Variants in HADHA observed in about 807,000 individuals in gnomAD.
HADHA encodes hydroxyacyl-CoA dehydrogenase trifunctional multienzyme complex subunit alpha.
In HADHA, 59 loss-of-function variants were observed where a neutral mutation model predicts 91.3. The ratio of observed to expected loss-of-function variants is 0.65; its 90% CI spans 0.52 to 0.80. The LOEUF (loss-of-function observed/expected upper bound fraction) is 0.80, where lower values mean the gene tolerates loss of function less well. Ranked by LOEUF, HADHA falls within the 30% of genes least tolerant of loss-of-function variation. The pLI is 0.00. For synonymous variants in HADHA, 320 were observed against 338.9 expected, an observed-to-expected ratio of 0.94 and a Z score of 0.61; for missense variants, 800 against 927.6, an observed-to-expected ratio of 0.86 and a Z score of 1.79.
At chr2:26,197,894 A>T in intron 13 of HADHA, 117 bp from the exon 14 acceptor site, 1 of 736,468 alleles carries the variant, frequency 1.4e-6, no homozygotes, top group Non-Finnish European at 2.5e-6. Context: ...ACAACTGCTC[A>T]GACAGTAGAT....
In HADHA at chr2:26,191,229, T is replaced by C. The variant is rs368275152; in HGVS notation, c.*21A>G. The C allele has an allele frequency of 2.0e-5, 33 of 1,611,402 alleles. No homozygotes were observed. Among genetic ancestry groups the C allele is most frequent in the Non-Finnish European group, 2.8e-5 (33 of 1,179,290 alleles). On this transcript the variant is annotated 3_prime_UTR_variant, in exon 20 of 20. Coordinates refer to ENST00000380649, the MANE Select transcript of HADHA (RefSeq NM_000182.5). The stretch of plus-strand genomic sequence containing the variant: ...CGGCAGCTGGGGTTAGTGCACTGAC[T>C]GAGCGAGGCATGAGGCCTGCTCACT...
chr2:26,244,480 C>T (rs780536863), intron 1 of HADHA, 50 bp downstream of exon 1: 2 of 1,544,754 alleles, frequency 1.3e-6, no homozygotes, highest in South Asian at 2.4e-5. Context: ...CACCCCAGTC[C>T]CGGCAGGAGT....
chr2:26,222,263 C>T (rs1353619661), intron 7 of HADHA, among the ~76,000 whole-genome samples: 1 of 152,192 alleles, frequency 6.6e-6, no homozygotes, highest in Non-Finnish European at 1.5e-5. Context: ...GAAACCAAAC[C>T]TGCTAACACC....
intron 11 of HADHA, among the ~76,000 whole-genome samples, chr2:26,206,177 C>T (rs1251023184): frequency 6.6e-6 from 1 of 151,374 alleles, no homozygotes; most frequent in Non-Finnish European, 1.5e-5. Flanking sequence ...GTTCAATTTC[C>T]CTAATAACTG....
intron 7 of HADHA, among the ~76,000 whole-genome samples, chr2:26,216,551 C>G (rs1014629577): frequency 2.0e-5 from 3 of 152,020 alleles, no homozygotes; most frequent in African/African-American, 7.3e-5. Context: ...GAATTCCTGA[C>G]CTCAAATGAT....
In HADHA at chr2:26,244,548, T is replaced by C. The variant is rs757561140; in HGVS notation, c.49A>G (p.Arg17Gly). 2 of 1,586,372 alleles carry C rather than the reference T, an allele frequency of 1.3e-6. No homozygotes were observed. Among genetic ancestry groups the C allele is most frequent in the Admixed American group, 3.6e-5 (2 of 56,226 alleles). Residue 17 changes from arginine to glycine, a missense_variant, in exon 1 of 20, where the codon AGG (arginine) becomes GGG (glycine). Coordinates refer to ENST00000380649, the MANE Select transcript of HADHA (RefSeq NM_000182.5). ...IGILSRFSAF[R>G]ILRSRGYICR... ...GCCTCACCTCGGGAGCGGAGGATCC[T>C]GAAGGCAGAAAAGCGGCTGAGGATG...
chr2:26,231,143 T>C (rs1001928676), intron 6 of HADHA, among the ~76,000 whole-genome samples: 4 of 152,190 alleles, frequency 2.6e-5, no homozygotes, highest in African/African-American at 7.2e-5. Context: ...GCAAATATTT[T>C]TGATACACAT....
rs1670066916 is a variant in HADHA, at chr2:26,210,238, T to G, written c.976-349A>C. ...ATCATCTCAAACCAACCCTCTCATT[T>G]TACAGATTGGGAAGAGGAGGTCCAA... On this transcript the variant is annotated intron_variant, in intron 10 of 19. Coordinates refer to ENST00000380649, the MANE Select transcript of HADHA (RefSeq NM_000182.5). This position sits in a 1 kb window ranked among gnomAD's most constrained non-coding sequence, Gnocchi z 4.0. Among the ~76,000 whole-genome samples the G allele has an allele frequency of 6.6e-6, 1 of 152,204 alleles. No individual in the cohort carries two copies. The highest frequency in any genetic ancestry group is 2.4e-5 in the African/African-American group (1 of 41,456).
At chr2:26,223,676 G>C (rs1316761276) in intron 7 of HADHA, among the ~76,000 whole-genome samples, 2 of 152,162 alleles carry the variant, frequency 1.3e-5, no homozygotes, top group African/African-American at 4.8e-5. Flanking sequence ...TTTATATGGG[G>C]ACTTTGGCTG....
intron 1 of HADHA, 141 bp downstream of exon 1, chr2:26,244,389 G>C: frequency 1.2e-6 from 1 of 834,238 alleles, no homozygotes; most frequent in East Asian, 2.7e-5. Flanking sequence ...GGGAAACCGG[G>C]TCCCAGGGCA....
At chr2:26,243,375 A>C (rs1041136788) in intron 1 of HADHA, 2 of 152,116 alleles carry the variant, frequency 1.3e-5, no homozygotes, top group African/African-American at 2.4e-5. Flanking sequence ...GTAGGTAAGC[A>C]TATGAGTAGT....
intron 7 of HADHA, among the ~76,000 whole-genome samples, chr2:26,216,402 C>T (rs1030470696): frequency 1.4e-5 from 2 of 139,156 alleles, no homozygotes; most frequent in Non-Finnish European, 3.0e-5. Context: ...CTCACTGCAA[C>T]CTCTGCCTCC....
At chr2:26,238,863 T>C (rs561628149) in intron 3 of HADHA, 71 bp downstream of exon 3, 1 of 909,268 alleles carries the variant, frequency 1.1e-6, no homozygotes, top group East Asian at 2.4e-5. Flanking sequence ...AAATATGGGA[T>C]ACATCTTTCC....
chr2:26,192,489 C>T, intron 17 of HADHA, 65 bp from the exon 18 acceptor site: 2 of 945,646 alleles, frequency 2.1e-6, no homozygotes, highest in South Asian at 2.6e-5. Flanking sequence ...ACTATTTGTT[C>T]TCAGAACCCT....
At chr2:26,227,729 G>A (rs912017578) in intron 7 of HADHA, among the ~76,000 whole-genome samples, 1 of 152,068 alleles carries the variant, frequency 6.6e-6, no homozygotes, top group Non-Finnish European at 1.5e-5. Context: ...CGGCTTCTTG[G>A]GAGGCTGAGG....
At chr2:26,215,600 T>C (rs1670198142) in intron 7 of HADHA, among the ~76,000 whole-genome samples, 1 of 152,202 alleles carries the variant, frequency 6.6e-6, no homozygotes, top group Admixed American at 6.5e-5. Context: ...GAGCCTATCT[T>C]AGCTGAACTG....
At chr2:26,225,037 C>T (rs1191712430) in intron 7 of HADHA, among the ~76,000 whole-genome samples, 3 of 152,162 alleles carry the variant, frequency 2.0e-5, no homozygotes, top group Non-Finnish European at 2.9e-5. Flanking sequence ...TCGTAGCTTA[C>T]TCTAGAATGG....
At chr2:26,198,273 T>A (rs1394262108) in intron 13 of HADHA, among the ~76,000 whole-genome samples, 1 of 152,088 alleles carries the variant, frequency 6.6e-6, no homozygotes. Flanking sequence ...GCAGCTACAG[T>A]ACACAAATAC....
intron 18 of HADHA, among the ~76,000 whole-genome samples, chr2:26,192,019 A>G (rs1669521405): frequency 6.6e-6 from 1 of 152,188 alleles, no homozygotes; most frequent in Non-Finnish European, 1.5e-5. Flanking sequence ...CCTTCACCAG[A>G]CGTGGCCTGG....
Sources: gnomAD v4.1 joint callset for allele counts (sites outside exome capture counted in the v4.1 genomes callset) on GRCh38, gnomAD v4.1.1 for gene constraint, Gnocchi (gnomAD v3.1) non-coding constraint, MANE v1.5 for transcripts, NCBI Gene and HGNC (gene_info 2026-07-23, HGNC 2026-07-21) for gene names.